Variants in KLHL20 observed in about 807,000 individuals in gnomAD.
The protein encoded by KLHL20 is kelch like family member 20, also known as kelch-like protein 20.
In KLHL20, 29 loss-of-function variants were observed where a neutral mutation model predicts 69.5. That is an observed-to-expected ratio of 0.42 (90% CI 0.31 to 0.57). KLHL20 has a LOEUF of 0.57. Ranked by LOEUF, KLHL20 falls within the 20% of genes least tolerant of loss-of-function variation. The pLI, the probability that KLHL20 is intolerant of heterozygous loss-of-function variation, is 0.18. For synonymous variants in KLHL20, 253 were observed against 265.2 expected (o/e 0.95, Z 0.45); for missense variants, 419 against 776.0 (o/e 0.54, Z 5.47).
chr1:173,750,109 C>T (rs1558201867), intron 3 of KLHL20, among the ~76,000 whole-genome samples: 1 of 152,050 alleles, frequency 6.6e-6, no homozygotes, highest in East Asian at 1.9e-4. Context: ...ATTACCTAAG[C>T]AACCTCAGCT....
intron 2 of KLHL20, among the ~76,000 whole-genome samples, chr1:173,724,778 C>T (rs1047070932): frequency 2.6e-5 from 4 of 152,030 alleles, no homozygotes; most frequent in African/African-American, 9.7e-5. Flanking sequence ...GTATTCCAGC[C>T]TGGGTGACAG....
chr1:173,727,202 G>T (rs1317710056), intron 2 of KLHL20, among the ~76,000 whole-genome samples: 2 of 148,950 alleles, frequency 1.3e-5, no homozygotes, highest in Non-Finnish European at 3.0e-5. Flanking sequence ...AGAGAAAAAA[G>T]AATGAAAAAA....
chr1:173,728,437 T>C (rs1338049443), intron 2 of KLHL20, among the ~76,000 whole-genome samples: 2 of 152,294 alleles, frequency 1.3e-5, no homozygotes, highest in South Asian at 4.1e-4. Flanking sequence ...CAACAGAATG[T>C]ACATTCTTTT....
Position 173,782,183 on chromosome 1 carries a change from A to G in KLHL20, c.1698A>G (p.Thr566=), listed in dbSNP as rs756885432. The G allele has an allele frequency of 3.7e-6, 6 of 1,613,994 alleles. No individual in the cohort carries two copies. In the Admixed American group the frequency reaches 1.0e-4, roughly 27 times the overall value. The stretch of plus-strand genomic sequence containing the variant: ...CAGTAGGAGGTTTTGATGGCACAAC[A>G]TACTTGAAGACCATAGAAGTTTTTG... ...LMAVGGFDGT[T]YLKTIEVFDP... is the part of the protein sequence containing the mutation. The change falls in exon 11 of 12, where the codon ACA becomes ACG. Residue 566 remains threonine (T), a synonymous_variant. Transcript: ENST00000209884.
At chr1:173,778,501 G>GT (rs1443253432) in intron 10 of KLHL20, among the ~76,000 whole-genome samples, 1 of 141,330 alleles carries the variant, frequency 7.1e-6, no homozygotes, top group East Asian at 2.2e-4. Flanking sequence ...GCTAATTTTT[G>GT]TTTTTTGTTT....
intron 8 of KLHL20, among the ~76,000 whole-genome samples, chr1:173,766,647 GAAAA>G (rs59947652): frequency 4.0e-5 from 5 of 123,826 alleles, no homozygotes; most frequent in Non-Finnish European, 3.5e-5. Flanking sequence ...TATCAAGGGG[GAAAA>G]AAAAAAAAAA....
At chr1:173,765,105 G>C (rs1231463091) in intron 7 of KLHL20, among the ~76,000 whole-genome samples, 1 of 150,326 alleles carries the variant, frequency 6.7e-6, no homozygotes, top group Non-Finnish European at 1.5e-5. Context: ...ATGCTTTTAA[G>C]TCATCACTGA....
chr1:173,780,265 T>C (rs1382446763), intron 10 of KLHL20, among the ~76,000 whole-genome samples: 1 of 152,182 alleles, frequency 6.6e-6, no homozygotes, highest in Non-Finnish European at 1.5e-5. Flanking sequence ...TTCCTCTCCT[T>C]AAGTAGCTCC....
chr1:173,729,882 GA>G (rs1440948761), intron 2 of KLHL20, among the ~76,000 whole-genome samples: 3 of 152,146 alleles, frequency 2.0e-5, no homozygotes, highest in Non-Finnish European at 4.4e-5. Flanking sequence ...AATCAGGCAG[GA>G]GAAGGAAATA....
rs533281555 is a variant in KLHL20, at chr1:173,773,900, C to T, written c.1296-405C>T. Among the ~76,000 whole-genome samples the T allele has an allele frequency of 7.2e-5, 11 of 151,912 alleles. No individual in the cohort carries two copies. The South Asian group carries it at 1.9e-3, about 26-fold the overall frequency. On this transcript the variant is annotated intron_variant, in intron 8 of 11. Coordinates refer to ENST00000209884, the MANE Select transcript of KLHL20 (RefSeq NM_014458.4). ...TGGTGGCAGGCACCTGTAGTCCCAG[C>T]TGCTCAGGAGGCTGAGGCAGGAGAA...
chr1:173,720,045 C>G (rs1370628318), intron 2 of KLHL20, among the ~76,000 whole-genome samples: 3 of 152,078 alleles, frequency 2.0e-5, no homozygotes, highest in Admixed American at 2.0e-4. Context: ...TCACTTGAGC[C>G]TAGGTGTTCA....
chr1:173,749,739 A>G (rs1411269880), intron 3 of KLHL20, among the ~76,000 whole-genome samples: 1 of 152,248 alleles, frequency 6.6e-6, no homozygotes, highest in Non-Finnish European at 1.5e-5. Flanking sequence ...TGATATTTAT[A>G]TAACATTTGG....
In KLHL20 at chr1:173,739,246, G is replaced by GT. The variant is rs1184005872; in HGVS notation, c.597+4961dup. Among the ~76,000 whole-genome samples, 2 of 151,832 alleles carry GT rather than the reference G, an allele frequency of 1.3e-5. 1 individual carries two copies. Among genetic ancestry groups the GT allele is most frequent in the Non-Finnish European group, 2.9e-5 (2 of 67,910 alleles). Reference sequence around the variant, plus strand: ...CACCACCACGCCCAGCTAATTTTTTGTATGTTAGTGGAGATGGGGCTTCAC... The same window carrying GT: ...CACCACCACGCCCAGCTAATTTTTTGTTATGTTAGTGGAGATGGGGCTTCAC... On this transcript the variant is annotated intron_variant, in intron 3 of 11. Transcript: ENST00000209884.
At chr1:173,736,664 C>A (rs998915374) in intron 3 of KLHL20, among the ~76,000 whole-genome samples, 1 of 151,598 alleles carries the variant, frequency 6.6e-6, no homozygotes, top group African/African-American at 2.4e-5. Flanking sequence ...GGCATGATCT[C>A]GGCTCACTGC....
intron 2 of KLHL20, among the ~76,000 whole-genome samples, chr1:173,727,065 G>A (rs1213821842): frequency 6.6e-6 from 1 of 152,184 alleles, no homozygotes; most frequent in Non-Finnish European, 1.5e-5. Flanking sequence ...ACCTGATGGA[G>A]CTGAAAACCA....
chr1:173,756,720 A>C (rs966775905), intron 6 of KLHL20, among the ~76,000 whole-genome samples: 1 of 152,194 alleles, frequency 6.6e-6, no homozygotes, highest in Non-Finnish European at 1.5e-5. Flanking sequence ...CCATATATAC[A>C]TATTATCTCA....
rs909467418 is a variant in KLHL20 at position 173,773,158 on chromosome 1, GTC to G, written c.1296-1141_1296-1140del. ...TTTCCAATTTTTTTATAGAGATAAG[GTC>G]TCTCTGTGTTGACGAGGCTGGTCTT... On this transcript the variant is annotated intron_variant, in intron 8 of 11. Transcript: ENST00000209884. Among the ~76,000 whole-genome samples the G allele has an allele frequency of 3.3e-5, 5 of 151,902 alleles. No homozygotes were observed. The South Asian group carries it at 8.3e-4, about 25-fold the overall frequency.
chr1:173,741,681 C>T (rs1672815469), intron 3 of KLHL20: 11 of 906,174 alleles, frequency 1.2e-5, no homozygotes, highest in Non-Finnish European at 1.2e-5. Context: ...GAACATGCCT[C>T]TTGCAAAGGA....
intron 2 of KLHL20, among the ~76,000 whole-genome samples, chr1:173,728,603 C>T (rs902195802): frequency 1.3e-5 from 2 of 152,184 alleles, no homozygotes; most frequent in Non-Finnish European, 2.9e-5. Context: ...CTCAAAACTG[C>T]TCAACTACAT....
Sources: gnomAD v4.1 joint callset for allele counts (sites outside exome capture counted in the v4.1 genomes callset) on GRCh38, gnomAD v4.1.1 for gene constraint, MANE v1.5 for transcripts, NCBI Gene and HGNC (gene_info 2026-07-23, HGNC 2026-07-21) for gene names.